ST8SIA5: variants seen among roughly 807,000 people sequenced by gnomAD.
ST8SIA5 encodes the protein alpha-2,8-sialyltransferase 8E.
Under a neutral mutation model 40.2 loss-of-function variants are expected in ST8SIA5, and 24 were observed. The ratio of observed to expected loss-of-function variants is 0.60; its 90% CI spans 0.43 to 0.84. The LOEUF is 0.84. ST8SIA5 is among the 40% of genes least tolerant of loss of function. The probability of loss-of-function intolerance (pLI) is 0.00; values close to 1 mark genes in which losing one functional copy is unlikely to be tolerated. For synonymous variants in ST8SIA5, 198 were observed against 201.8 expected (o/e 0.98, Z 0.16); for missense variants, 465 against 498.5 (o/e 0.93, Z 0.64).
chr18:46,721,622 G>A (rs1360614265), intron 1 of ST8SIA5, among the ~76,000 whole-genome samples: 1 of 152,208 alleles, frequency 6.6e-6, no homozygotes, highest in Non-Finnish European at 1.5e-5. Flanking sequence ...CCATGAGGAT[G>A]GTGATCATAA....
rs1468409090 is a variant in ST8SIA5, at chr18:46,677,239, C to T, written c.*2803G>A. 4 of 152,060 alleles carry T rather than the reference C, an allele frequency of 2.6e-5. No homozygotes were observed. The highest frequency in any genetic ancestry group is 5.9e-5 in the Non-Finnish European group (4 of 68,090). The allele number at this position is 152,060 out of a possible 1,614,324, so 9.4% of individuals were successfully genotyped here. On this transcript the variant is annotated 3_prime_UTR_variant, in exon 7 of 7. Transcript: ENST00000315087. ...ATCCCTCATGTTCTGGTGTCACTGT[C>T]TGGGAAGCTAAGACAGAGGTTTGGA...
At chr18:46,680,682 G>A (rs965331939) in intron 6 of ST8SIA5, among the ~76,000 whole-genome samples, 172 bp from the exon 7 acceptor site, 1 of 152,202 alleles carries the variant, frequency 6.6e-6, no homozygotes, top group Non-Finnish European at 1.5e-5. Flanking sequence ...TCTCTCAGGG[G>A]CAGTTGAGTT....
At chr18:46,705,059 C>A (rs2039657085) in intron 1 of ST8SIA5, among the ~76,000 whole-genome samples, 2 of 152,378 alleles carry the variant, frequency 1.3e-5, no homozygotes, top group Non-Finnish European at 2.9e-5. Flanking sequence ...GGGAGTCCGA[C>A]AGTGAGCCTT....
chr18:46,692,338 C>G, intron 2 of ST8SIA5, 83 bp from the exon 3 acceptor site: 1 of 1,240,188 alleles, frequency 8.1e-7, no homozygotes, highest in Admixed American at 1.7e-5. Context: ...CCCTCCTGAT[C>G]TCCCATAGGC....
At chr18:46,737,308 T>G (rs2040044470) in intron 1 of ST8SIA5, among the ~76,000 whole-genome samples, 2 of 152,186 alleles carry the variant, frequency 1.3e-5, no homozygotes, top group African/African-American at 4.8e-5. Flanking sequence ...AGATTTATAG[T>G]CTATGCCACA....
chr18:46,707,568 C>T (rs2039682211), intron 1 of ST8SIA5, among the ~76,000 whole-genome samples: 1 of 152,158 alleles, frequency 6.6e-6, no homozygotes, highest in Admixed American at 6.5e-5. Context: ...GACCTTGTGC[C>T]GTGGTTTTGG....
intron 5 of ST8SIA5, 35 bp downstream of exon 5, chr18:46,686,139 G>A: frequency 1.3e-6 from 2 of 1,589,680 alleles, no homozygotes; most frequent in Non-Finnish European, 1.7e-6. Flanking sequence ...AGGGCCATGG[G>A]GTAGTGGCAA....
chr18:46,691,452 T>C (rs1158097919), intron 3 of ST8SIA5: 1 of 152,204 alleles, frequency 6.6e-6, no homozygotes, highest in African/African-American at 2.4e-5. Flanking sequence ...TGAAATCCAG[T>C]ATAGACACAA....
rs757247613 is a variant in ST8SIA5 at position 46,686,187 on chromosome 18, C to T, written c.556G>A (p.Asp186Asn). The T allele has an allele frequency of 7.4e-6, 12 of 1,614,128 alleles. 1 individual carries two copies. Among genetic ancestry groups the T allele is most frequent in the South Asian group, 2.2e-5 (2 of 91,064 alleles). Residue 186 changes from aspartate (D) to asparagine (N), a missense_variant, in exon 5 of 7, where the codon GAC becomes AAC. Transcript: ENST00000315087. ...SRCGREINSA[D>N]FVFRCNLPPI... Reference sequence around the variant, plus strand: ...GGTTTCTTTTACCGGAAGACGAAGTCGGCGCTGTTGATCTCCCTCCCGCAG... The same window carrying T: ...GGTTTCTTTTACCGGAAGACGAAGTTGGCGCTGTTGATCTCCCTCCCGCAG...
rs1411019343 is a variant in ST8SIA5 at position 46,667,970 on chromosome 18, G to A, written c.*12072C>T. On this transcript the variant is annotated 3_prime_UTR_variant, in exon 7 of 7. Coordinates refer to ENST00000315087, the MANE Select transcript of ST8SIA5 (RefSeq NM_013305.6). ...ACTCAAGGACAGCCACACACAAGCT[G>A]GAATTATGCTACAGGAGTTTGTATA... 6.6e-6 allele frequency: 1 copy of A among 152,164 alleles called. No individual in the cohort carries two copies. Among genetic ancestry groups the A allele is most frequent in the African/African-American group, 2.4e-5 (1 of 41,422 alleles). 9.4% of individuals were successfully genotyped at this position (152,164 alleles called of 1,614,324 possible).
At chr18:46,682,837 T>G (rs1164915295) in intron 5 of ST8SIA5, among the ~76,000 whole-genome samples, 1 of 152,122 alleles carries the variant, frequency 6.6e-6, no homozygotes, top group Non-Finnish European at 1.5e-5. Context: ...TGAAAGATAC[T>G]CCACTGTGGG....
At chr18:46,706,742 A>C (rs1276728006) in intron 1 of ST8SIA5, among the ~76,000 whole-genome samples, 1 of 152,192 alleles carries the variant, frequency 6.6e-6, no homozygotes, top group East Asian at 1.9e-4. Flanking sequence ...AAGCATTTGC[A>C]TGAGATGGAT....
At position 46,725,972 on chromosome 18, in the gene ST8SIA5, AATATATATATAT is replaced by A. The variant is rs1555696955; in HGVS notation, c.132-21320_132-21309del. Among the ~76,000 whole-genome samples the A allele has an allele frequency of 2.2e-3, 64 of 29,094 alleles. 1 individual carries two copies. The East Asian group carries it at 0.058, about 26-fold the overall frequency. 19.1% of individuals were successfully genotyped at this position (29,094 alleles called of 152,430 possible). ...CCCATCTCTACTTAAAAAAAAAAAA[AATATATATATAT>A]ATATATATATATATATATATATATA... On this transcript the variant is annotated intron_variant, in intron 1 of 6. Coordinates refer to ENST00000315087, the MANE Select transcript of ST8SIA5 (RefSeq NM_013305.6).
chr18:46,680,994 C>T, intron 6 of ST8SIA5, among the ~76,000 whole-genome samples: 1 of 141,560 alleles, frequency 7.1e-6, no homozygotes, highest in South Asian at 2.3e-4. Context: ...TTTTTAGAGA[C>T]ACGGTCTTGC....
At chr18:46,709,066 T>G (rs2039696894) in intron 1 of ST8SIA5, among the ~76,000 whole-genome samples, 1 of 152,228 alleles carries the variant, frequency 6.6e-6, no homozygotes, top group South Asian at 2.1e-4. Context: ...TGGTCCGTAC[T>G]GCTCTAGCTC....
intron 1 of ST8SIA5, among the ~76,000 whole-genome samples, chr18:46,725,982 T>TATATATATATATATATATATCCTGG (rs1568271288): frequency 6.0e-4 from 28 of 46,466 alleles, no homozygotes; most frequent in African/African-American, 2.5e-3. Flanking sequence ...AATATATATA[T>TATATATATATATATATATATCCTGG]ATATATATAT....
intron 1 of ST8SIA5, among the ~76,000 whole-genome samples, chr18:46,738,845 G>T (rs907467506): frequency 1.3e-5 from 2 of 152,144 alleles, no homozygotes; most frequent in Admixed American, 1.3e-4. Context: ...GCAGCACAAA[G>T]TCAGGCTGTA....
At chr18:46,698,202 A>C (rs1344306373) in intron 2 of ST8SIA5, among the ~76,000 whole-genome samples, 2 of 151,360 alleles carry the variant, frequency 1.3e-5, no homozygotes, top group Non-Finnish European at 2.9e-5. Context: ...CATCACACCA[A>C]CAATCAAAAC....
chr18:46,724,257 G>A (rs2039892162), intron 1 of ST8SIA5, among the ~76,000 whole-genome samples: 2 of 152,252 alleles, frequency 1.3e-5, no homozygotes, highest in South Asian at 4.1e-4. Context: ...CAGACCCTGG[G>A]CTGAGGAGGC....
Sources: gnomAD v4.1 joint callset for allele counts (sites outside exome capture counted in the v4.1 genomes callset) on GRCh38, gnomAD v4.1.1 for gene constraint, MANE v1.5 for transcripts, NCBI Gene and HGNC (gene_info 2026-07-23, HGNC 2026-07-21) for gene names.